Variants in ERBB4 observed in about 807,000 individuals in gnomAD.
ERBB4 encodes the protein receptor tyrosine-protein kinase erbB-4.
In ERBB4, 42 loss-of-function variants were observed where a neutral mutation model predicts 158.0. That is an observed-to-expected ratio of 0.27 (90% CI 0.21 to 0.34). The LOEUF is 0.34. Among genes scored for constraint, ERBB4 ranks in the 10% least tolerant of loss-of-function variants. The pLI is 1.00. For missense variants in ERBB4, 1,333 were observed against 1,624.1 expected (o/e 0.82, Z 3.08); for synonymous variants, 583 against 558.7 (o/e 1.04, Z -0.61).
chr2:211,811,722 C>CTT (rs923696808), intron 3 of ERBB4, among the ~76,000 whole-genome samples: 2 of 151,378 alleles, frequency 1.3e-5, no homozygotes, highest in African/African-American at 4.9e-5. Context: ...TCTTTTTACT[C>CTT]TTTTTTTTTC....
chr2:212,229,084 C>T (rs1049861784), intron 1 of ERBB4, among the ~76,000 whole-genome samples: 4 of 152,078 alleles, frequency 2.6e-5, no homozygotes, highest in African/African-American at 9.7e-5. Flanking sequence ...GAGAGAGAGA[C>T]AGAGCACTGT....
chr2:212,148,166 T>C (rs1331455655), intron 1 of ERBB4, among the ~76,000 whole-genome samples: 2 of 151,576 alleles, frequency 1.3e-5, no homozygotes, highest in African/African-American at 2.4e-5. Context: ...TTATTCAGAG[T>C]GAAAAAGTAC....
At chr2:211,815,776 G>A (rs1250005518) in intron 3 of ERBB4, among the ~76,000 whole-genome samples, 1 of 152,216 alleles carries the variant, frequency 6.6e-6, no homozygotes, top group Non-Finnish European at 1.5e-5. Flanking sequence ...CACCCTCAGT[G>A]TGGTGGCAAC....
chr2:211,786,108 G>C (rs772220902), intron 4 of ERBB4, among the ~76,000 whole-genome samples: 1 of 151,968 alleles, frequency 6.6e-6, no homozygotes, highest in South Asian at 2.1e-4. Flanking sequence ...AGGATGACTC[G>C]GTGATTAACT....
chr2:211,877,334 A>T (rs1216316014), intron 3 of ERBB4, among the ~76,000 whole-genome samples: 3 of 151,362 alleles, frequency 2.0e-5, no homozygotes, highest in Non-Finnish European at 3.0e-5. Flanking sequence ...CTCTGAACTC[A>T]CTACCTCCAG....
At chr2:211,561,754 G>GTACC in intron 20 of ERBB4, 149 bp downstream of exon 20, 1 of 722,104 alleles carries the variant, frequency 1.4e-6, no homozygotes, top group African/African-American at 1.7e-5. Context: ...TTACCTAAAA[G>GTACC]TACCTCTCTG....
chr2:212,301,342 C>A (rs1436443402), intron 1 of ERBB4, among the ~76,000 whole-genome samples: 5 of 151,230 alleles, frequency 3.3e-5, no homozygotes, highest in Admixed American at 2.0e-4. Context: ...TTAGGCATAT[C>A]CCAATTCCCT....
At chr2:211,583,843 T>C (rs546944921) in intron 19 of ERBB4, among the ~76,000 whole-genome samples, 3 of 151,692 alleles carry the variant, frequency 2.0e-5, no homozygotes, top group East Asian at 1.9e-4. Context: ...ATTGTTGCTG[T>C]ATTCTTCAAC....
Position 212,199,404 on chromosome 2 carries a change from T to A in ERBB4, c.83-74501A>T, listed in dbSNP as rs761921561. Among the ~76,000 whole-genome samples, 21 of 152,302 alleles carry A rather than the reference T, an allele frequency of 1.4e-4. No homozygotes were observed. In the East Asian group the frequency reaches 3.5e-3, roughly 25 times the overall value. ...ACCTCATTAGTGACTTTAAATATTT[T>A]AAAAATAATCTACCTGGATCCCCAG... On this transcript the variant is annotated intron_variant, in intron 1 of 27. Transcript: ENST00000342788.
chr2:211,791,612 C>T (rs1430102892), intron 3 of ERBB4, among the ~76,000 whole-genome samples: 1 of 151,730 alleles, frequency 6.6e-6, no homozygotes, highest in African/African-American at 2.4e-5. Context: ...TTGAGAGAGA[C>T]ACAGATAGAT....
At chr2:212,072,575 G>T (rs1471614492) in intron 2 of ERBB4, among the ~76,000 whole-genome samples, 1 of 151,942 alleles carries the variant, frequency 6.6e-6, no homozygotes, top group Non-Finnish European at 1.5e-5. Context: ...AAGAAAGAGG[G>T]CTGGGCAGTA....
At chr2:212,276,168 G>T (rs1308058348) in intron 1 of ERBB4, among the ~76,000 whole-genome samples, 1 of 151,726 alleles carries the variant, frequency 6.6e-6, no homozygotes, top group African/African-American at 2.4e-5. Flanking sequence ...TCTTGAGTTT[G>T]ACTGCTTCTT....
chr2:212,185,896 G>T (rs1321121440), intron 1 of ERBB4, among the ~76,000 whole-genome samples: 2 of 152,012 alleles, frequency 1.3e-5, no homozygotes, highest in Non-Finnish European at 2.9e-5. Context: ...TTTTTCCATT[G>T]TTCTAAAAAT....
intron 20 of ERBB4, among the ~76,000 whole-genome samples, chr2:211,548,473 G>A (rs1399862676): frequency 6.6e-6 from 1 of 152,022 alleles, no homozygotes; most frequent in Non-Finnish European, 1.5e-5. Context: ...ATCACAAGAG[G>A]TATACGACCT....
At chr2:211,431,145 G>C in intron 20 of ERBB4, 45 bp from the exon 21 acceptor site, 2 of 1,580,898 alleles carry the variant, frequency 1.3e-6, no homozygotes, top group Non-Finnish European at 1.7e-6. Flanking sequence ...TAATGCCCAG[G>C]TTTTCCCATT....
At chr2:211,398,175 T>TTATC (rs1268156170) in intron 25 of ERBB4, among the ~76,000 whole-genome samples, 1 of 152,118 alleles carries the variant, frequency 6.6e-6, no homozygotes, top group Non-Finnish European at 1.5e-5. Context: ...TATCTTAGTG[T>TTATC]TATCTTTCAT....
At position 211,742,942 on chromosome 2, in the gene ERBB4, ATAAG is replaced by A. The variant is rs571703805; in HGVS notation, c.622+7693_622+7696del. 1.6e-3 allele frequency among the ~76,000 whole-genome samples: 251 copies of A among 152,208 alleles called. 3 individuals carry two copies. Among genetic ancestry groups the A allele is most frequent in the Admixed American group, 0.013 (192 of 15,280 alleles). On this transcript the variant is annotated intron_variant, in intron 5 of 27. Coordinates refer to ENST00000342788, the MANE Select transcript of ERBB4 (RefSeq NM_005235.3). ...CTTATGATAGTCTAGGAAGACTATC[ATAAG>A]TAAGTAAGAAGCAAGAGGTAAATCC...
intron 2 of ERBB4, among the ~76,000 whole-genome samples, chr2:211,979,441 A>C (rs1458956151): frequency 2.0e-5 from 3 of 152,222 alleles, no homozygotes; most frequent in Non-Finnish European, 4.4e-5. Flanking sequence ...ACTACTAAAA[A>C]GAATGATTCT....
intron 2 of ERBB4, among the ~76,000 whole-genome samples, chr2:212,119,087 C>T (rs1231615578): frequency 1.3e-5 from 2 of 151,840 alleles, no homozygotes; most frequent in South Asian, 2.1e-4. Context: ...CAATGAATTA[C>T]GATATTGTAA....
Sources: gnomAD v4.1 joint callset for allele counts (sites outside exome capture counted in the v4.1 genomes callset) on GRCh38, gnomAD v4.1.1 for gene constraint, MANE v1.5 for transcripts, NCBI Gene and HGNC (gene_info 2026-07-23, HGNC 2026-07-21) for gene names.